The following ITGA4 variants were observed in gnomAD, a reference collection of about 807,000 sequenced individuals.
ITGA4 encodes the protein integrin subunit alpha 4.
Under a neutral mutation model 133.6 loss-of-function variants are expected in ITGA4, and 63 were observed. The ratio of observed to expected loss-of-function variants is 0.47; its 90% CI spans 0.38 to 0.58. ITGA4 has a LOEUF of 0.58. ITGA4 is among the 20% of genes least tolerant of loss of function. ITGA4 has a pLI of 0.00. For missense variants in ITGA4, 1,076 were observed against 1,252.7 expected (o/e 0.86, Z 2.13); for synonymous variants, 483 against 438.0 (o/e 1.10, Z -1.28).
rs1264328992 is a variant in ITGA4, at chr2:181,498,629, T to G, written c.1547T>G (p.Phe516Cys). ...GKEVPGYIVLFYNMSLDVNRK... is the reference protein window; with the variant it reads ...GKEVPGYIVLCYNMSLDVNRK... Reference sequence around the variant, plus strand: ...ATTCTCTATATTTTTGCAGTTTTGTTTTATAACATGAGTTTGGATGTGAAC... The same window carrying G: ...ATTCTCTATATTTTTGCAGTTTTGTGTTATAACATGAGTTTGGATGTGAAC... The change falls in exon 15 of 28, where the codon TTT becomes TGT. Residue 516 changes from phenylalanine (F) to cysteine (C), a missense_variant. Physicochemically the swap from Phe to Cys is radical, Grantham distance 205. Around this residue, in one of 4 missense-constraint regions of ITGA4, gnomAD observed 436 missense variants for 590.7 expected, o/e 0.74. Transcript: ENST00000397033. 1 of 1,598,978 alleles carries G rather than the reference T, an allele frequency of 6.3e-7. No homozygotes were observed. The highest frequency in any genetic ancestry group is 1.1e-5 in the South Asian group (1 of 88,448).
Position 181,478,769 on chromosome 2 carries a change from A to C in ITGA4, c.569A>C (p.Lys190Thr), listed in dbSNP as rs1668827307. The part of the protein sequence containing the change: ...IAPCYQDYVK[K>T]FGENFASCQA... ...TATTTCATTTTAGATTATGTGAAAA[A>C]ATTTGGAGAAAATTTTGCATCATGT... Residue 190 changes from lysine (K) to threonine (T), a missense_variant, in exon 5 of 28, where the codon AAA (lysine) becomes ACA (threonine). Coordinates refer to ENST00000397033, the MANE Select transcript of ITGA4 (RefSeq NM_000885.6). 3.4e-6 allele frequency: 5 copies of C among 1,461,814 alleles called. No homozygotes were observed. Among genetic ancestry groups the C allele is most frequent in the Non-Finnish European group, 4.6e-6 (5 of 1,081,072 alleles). 90.6% of individuals were successfully genotyped at this position (1,461,814 alleles called of 1,614,324 possible).
chr2:181,464,563 G>A (rs1685367947), intron 2 of ITGA4, among the ~76,000 whole-genome samples: 1 of 152,148 alleles, frequency 6.6e-6, no homozygotes, highest in African/African-American at 2.4e-5. Context: ...ATGAATGGGA[G>A]AAGGCTTCCT....
At position 181,494,774 on chromosome 2, in the gene ITGA4, T is replaced by G. The variant is rs1364136684; in HGVS notation, c.1301T>G (p.Ile434Arg). The G allele has an allele frequency of 6.2e-7, 1 of 1,600,060 alleles. No individual in the cohort carries two copies. Among genetic ancestry groups the G allele is most frequent in the East Asian group, 2.2e-5 (1 of 44,784 alleles). The change falls in exon 12 of 28, where the codon ATA (isoleucine) becomes AGA (arginine). Residue 434 changes from isoleucine (I) to arginine (R), a missense_variant. By Grantham distance (97) the Ile-to-Arg change is moderately conservative (BLOSUM62 -3). Transcript: ENST00000397033. ...SKSLSMFGQS[I>R]SGQIDADNNG... ...TCGTTAAGTATGTTTGGACAGTCTA[T>G]ATCAGGACAAATTGATGCAGATAAT...
intron 14 of ITGA4, 80 bp downstream of exon 14, chr2:181,496,017 C>T (rs1428753559): frequency 7.2e-6 from 10 of 1,395,048 alleles, no homozygotes; most frequent in South Asian, 3.9e-5. Flanking sequence ...GAGCCCTCAC[C>T]GGTTTTCACC....
At position 181,534,265 on chromosome 2, in the gene ITGA4, T is replaced by TAAAC; in HGVS notation, c.2785-5_2785-2dup. The TAAAC allele has an allele frequency of 1.9e-6, 3 of 1,551,950 alleles. No homozygotes were observed. Among genetic ancestry groups the TAAAC allele is most frequent in the Non-Finnish European group, 2.7e-6 (3 of 1,124,160 alleles). On this transcript the variant is annotated splice_region_variant and splice_polypyrimidine_tract_variant and intron_variant, in intron 25 of 27. Coordinates refer to ENST00000397033, the MANE Select transcript of ITGA4 (RefSeq NM_000885.6). ...CAGGCTATGGTGATCCTTCTTTTAT[T>TAAAC]AAACAGGATGAGACTTCAGCACTCA...
At chr2:181,499,794 G>A (rs1454907907) in intron 15 of ITGA4, among the ~76,000 whole-genome samples, 1 of 152,048 alleles carries the variant, frequency 6.6e-6, no homozygotes, top group Non-Finnish European at 1.5e-5. Flanking sequence ...CTTCATAGAT[G>A]TCGTTTTACT....
At chr2:181,529,186 G>GC (rs1686890448) in intron 22 of ITGA4, among the ~76,000 whole-genome samples, 1 of 152,044 alleles carries the variant, frequency 6.6e-6, no homozygotes, top group African/African-American at 2.4e-5. Flanking sequence ...CAAAATGTTG[G>GC]CCTACCTCAT....
At position 181,481,669 on chromosome 2, in the gene ITGA4, G is replaced by T; in HGVS notation, c.826G>T (p.Glu276Ter). The T allele has an allele frequency of 6.3e-7, 1 of 1,580,670 alleles. No individual in the cohort carries two copies. The highest frequency in any genetic ancestry group is 1.1e-5 in the South Asian group (1 of 89,612). Residue 276 changes from glutamate to a stop codon, truncating the protein, a stop_gained, in exon 7 of 28, where the codon GAG (glutamate) becomes TAG (stop). Transcript: ENST00000397033. LOFTEE classifies it high-confidence loss of function. The part of the protein sequence containing the change: ...TEVVGGAPQH[E>*]QIGKAYIFSI... ...AGTAGTCGGAGGAGCTCCTCAACATGAGCAGATTGGTAAGGTAAGAATTAC... is the reference window on the plus strand; with the variant it reads ...AGTAGTCGGAGGAGCTCCTCAACATTAGCAGATTGGTAAGGTAAGAATTAC...
intron 15 of ITGA4, among the ~76,000 whole-genome samples, chr2:181,500,416 C>T (rs1316132282): frequency 6.6e-6 from 1 of 152,010 alleles, no homozygotes; most frequent in Non-Finnish European, 1.5e-5. Context: ...GGTAATAGCC[C>T]AAGGCATTAG....
In ITGA4 at chr2:181,478,761, T is replaced by C. The variant is rs765577113; in HGVS notation, c.561T>C (p.Tyr187=). 1.4e-6 allele frequency: 2 copies of C among 1,391,680 alleles called. No individual in the cohort carries two copies. Among genetic ancestry groups the C allele is most frequent in the Non-Finnish European group, 2.0e-6 (2 of 1,017,916 alleles). The allele number at this position is 1,391,680 out of a possible 1,614,324, so 86.2% of individuals were successfully genotyped here. A position where few individuals can be genotyped will look rare whatever the true frequency, so the allele number is the denominator to read the frequency against. Residue 187 remains tyrosine (Y), a synonymous_variant, in exon 5 of 28, where the codon TAT becomes TAC. Transcript: ENST00000397033. ...SKRIAPCYQD[Y]VKKFGENFAS... ...TGTTTTAATATTTCATTTTAGATTATGTGAAAAAATTTGGAGAAAATTTTG... is the reference window on the plus strand; with the variant it reads ...TGTTTTAATATTTCATTTTAGATTACGTGAAAAAATTTGGAGAAAATTTTG...
chr2:181,510,461 C>T (rs1354734000), intron 16 of ITGA4, among the ~76,000 whole-genome samples: 1 of 151,938 alleles, frequency 6.6e-6, no homozygotes, highest in Non-Finnish European at 1.5e-5. Flanking sequence ...TAGTGTCTAT[C>T]AACACAAAGA....
chr2:181,461,973 CATA>C (rs1464440432), intron 2 of ITGA4, among the ~76,000 whole-genome samples: 37 of 152,098 alleles, frequency 2.4e-4, no homozygotes, highest in South Asian at 1.2e-3. Flanking sequence ...TTATTGATTA[CATA>C]ATATTTTGGA....
chr2:181,488,640 G>C (rs550928186), intron 10 of ITGA4, among the ~76,000 whole-genome samples: 2 of 151,698 alleles, frequency 1.3e-5, no homozygotes, highest in South Asian at 4.2e-4. Flanking sequence ...CTCACTGCAA[G>C]CTCTGACTCC....
Position 181,537,422 on chromosome 2 carries a change from CTTACTTTG to C in ITGA4, c.*1902_*1909del, listed in dbSNP as rs1687195093. 1 of 453,904 alleles carries C rather than the reference CTTACTTTG, an allele frequency of 2.2e-6. No individual in the cohort carries two copies. Among genetic ancestry groups the C allele is most frequent in the Non-Finnish European group, 4.4e-6 (1 of 226,732 alleles). 28.1% of individuals were successfully genotyped at this position (453,904 alleles called of 1,614,324 possible). On this transcript the variant is annotated 3_prime_UTR_variant, in exon 28 of 28. Coordinates refer to ENST00000397033, the MANE Select transcript of ITGA4 (RefSeq NM_000885.6). ...AGTTCAAAATAGTATTTGTTATCAA[CTTACTTTG>C]TTACTTGTATCATGAATTTTAAAAC...
Position 181,538,236 on chromosome 2 carries a change from G to GGATGCAATCTGTAAAGAAAA in ITGA4, c.*2710_*2729dup. ...TCCTCCATAAAGACTGATAAGTCTT[G>GGATGCAATCTGTAAAGAAAA]GATGCAATCTGTAAAGAAAATACAT... On this transcript the variant is annotated 3_prime_UTR_variant, in exon 28 of 28. Coordinates refer to ENST00000397033, the MANE Select transcript of ITGA4 (RefSeq NM_000885.6). 6.4e-7 allele frequency: 1 copy of GGATGCAATCTGTAAAGAAAA among 1,573,384 alleles called. No homozygotes were observed. The highest frequency in any genetic ancestry group is 8.7e-7 in the Non-Finnish European group (1 of 1,144,180).
At chr2:181,507,920 A>T (rs907100782) in intron 15 of ITGA4, among the ~76,000 whole-genome samples, 1 of 152,098 alleles carries the variant, frequency 6.6e-6, no homozygotes, top group Admixed American at 6.6e-5. Context: ...CACTTTTACT[A>T]TCTAGTGAAG....
chr2:181,459,249 T>C (rs986814841), intron 2 of ITGA4: 34 of 152,350 alleles, frequency 2.2e-4, no homozygotes, highest in African/African-American at 8.2e-4. Context: ...AACTAGGGTC[T>C]GAATGCGTCC....
At chr2:181,532,279 T>C (rs565607643) in intron 25 of ITGA4, among the ~76,000 whole-genome samples, 1 of 152,332 alleles carries the variant, frequency 6.6e-6, no homozygotes, top group South Asian at 2.1e-4. Context: ...TAGTTTTTTC[T>C]AATTCTGTGA....
Position 181,535,573 on chromosome 2 carries a change from GTAAAGAAATT to G in ITGA4, c.*51_*60del. On this transcript the variant is annotated 3_prime_UTR_variant, in exon 28 of 28. Coordinates refer to ENST00000397033, the MANE Select transcript of ITGA4 (RefSeq NM_000885.6). ...GAATGGAAAACAGACTCAGGTTGTA[GTAAAGAAATT>G]TAAAAGACACTGTTTACAAGAAAAA... The G allele has an allele frequency of 6.5e-7, 1 of 1,540,616 alleles. No homozygotes were observed. The highest frequency in any genetic ancestry group is 8.7e-7 in the Non-Finnish European group (1 of 1,147,464).
Sources: allele counts gnomAD v4.1 joint callset (sites outside exome capture counted in the v4.1 genomes callset), GRCh38; gene constraint gnomAD v4.1.1; regional missense constraint gnomAD v4.1.1; transcripts MANE v1.5; gene names NCBI Gene and HGNC (gene_info 2026-07-23, HGNC 2026-07-21).